Variants in CDH9 observed in about 807,000 individuals in gnomAD.
The protein encoded by CDH9 is cadherin 9.
A neutral mutation model predicts 70.9 loss-of-function variants in CDH9; 28 were observed. The ratio of observed to expected loss-of-function variants is 0.40; its 90% CI spans 0.29 to 0.54. The LOEUF (loss-of-function observed/expected upper bound fraction) is 0.54. Among genes scored for constraint, CDH9 ranks in the 20% least tolerant of loss-of-function variants. The pLI is 0.59. For synonymous variants in CDH9, 409 were observed against 343.1 expected, an observed-to-expected ratio of 1.19 and a Z score of -2.12; for missense variants, 874 against 984.4, an observed-to-expected ratio of 0.89 and a Z score of 1.50.
At chr5:27,034,365 A>C (rs77534649) in intron 1 of CDH9, among the ~76,000 whole-genome samples, 1 of 151,632 alleles carries the variant, frequency 6.6e-6, no homozygotes, top group Non-Finnish European at 1.5e-5. Context: ...TCATCGATCA[A>C]TTAGAGAGAT....
intron 1 of CDH9, among the ~76,000 whole-genome samples, chr5:27,006,844 C>G (rs1417899494): frequency 6.6e-6 from 1 of 151,898 alleles, no homozygotes; most frequent in Non-Finnish European, 1.5e-5. Flanking sequence ...TATGAAGTGT[C>G]TACTGATTTT....
chr5:26,994,951 T>C (rs980488747), intron 1 of CDH9, among the ~76,000 whole-genome samples: 6 of 152,194 alleles, frequency 3.9e-5, no homozygotes, highest in African/African-American at 1.4e-4. Context: ...GGGGGAAGTC[T>C]CTGAACAACC....
At position 27,035,173 on chromosome 5, in the gene CDH9, A is replaced by G. The variant is rs560142708; in HGVS notation, c.-50+3290T>C. ...AGTTTCCACATAATATTGCATATGT[A>G]TATATATATATATATATATTTAACT... On this transcript the variant is annotated intron_variant, in intron 1 of 11. Coordinates refer to ENST00000231021, the MANE Select transcript of CDH9 (RefSeq NM_016279.4). Among the ~76,000 whole-genome samples, 9 of 118,100 alleles carry G rather than the reference A, an allele frequency of 7.6e-5. No individual in the cohort carries two copies. The East Asian group carries it at 1.2e-3, about 16-fold the overall frequency. The allele number at this position is 118,100 out of a possible 152,430, so 77.5% of individuals were successfully genotyped here. A position where few individuals can be genotyped will look rare whatever the true frequency, so the allele number is the denominator to read the frequency against.
At chr5:26,938,251 G>A (rs1488495950) in intron 2 of CDH9, among the ~76,000 whole-genome samples, 2 of 150,932 alleles carry the variant, frequency 1.3e-5, no homozygotes, top group Non-Finnish European at 3.0e-5. Flanking sequence ...AAAATATTTA[G>A]AGAGTGTATA....
chr5:26,881,701 G>C, intron 11 of CDH9, 78 bp from the exon 12 acceptor site: 1 of 1,301,804 alleles, frequency 7.7e-7, no homozygotes, highest in South Asian at 1.4e-5. Context: ...TGTGAAATTC[G>C]TTTGGTGCAG....
intron 9 of CDH9, among the ~76,000 whole-genome samples, chr5:26,888,782 G>C (rs1005224308): frequency 6.6e-6 from 1 of 152,096 alleles, no homozygotes; most frequent in Non-Finnish European, 1.5e-5. Context: ...TCTGGTGAGG[G>C]CTTGCAAATA....
At chr5:26,941,066 C>T (rs1260289415) in intron 2 of CDH9, among the ~76,000 whole-genome samples, 7 of 152,198 alleles carry the variant, frequency 4.6e-5, no homozygotes, top group African/African-American at 1.4e-4. Context: ...CACCAACTCA[C>T]ATAAACATAC....
chr5:27,022,564 C>T (rs1743156389), intron 1 of CDH9, among the ~76,000 whole-genome samples: 1 of 152,054 alleles, frequency 6.6e-6, no homozygotes, highest in Admixed American at 6.6e-5. Context: ...AAATAGATAA[C>T]TGATGGCTGA....
At chr5:26,899,340 A>G (rs1217800813) in intron 7 of CDH9, among the ~76,000 whole-genome samples, 1 of 152,214 alleles carries the variant, frequency 6.6e-6, no homozygotes, top group Non-Finnish European at 1.5e-5. Flanking sequence ...CAAGGATTAT[A>G]AATCATTCTA....
At chr5:26,909,953 A>ATTT (rs1240011486) in intron 3 of CDH9, among the ~76,000 whole-genome samples, 1 of 151,926 alleles carries the variant, frequency 6.6e-6, no homozygotes, top group Non-Finnish European at 1.5e-5. Flanking sequence ...AATTATTATT[A>ATTT]TAATTTAAAG....
intron 1 of CDH9, among the ~76,000 whole-genome samples, chr5:27,032,368 A>G (rs1036142238): frequency 2.0e-5 from 3 of 151,674 alleles, no homozygotes; most frequent in Non-Finnish European, 3.0e-5. Flanking sequence ...ATTTGAATAA[A>G]TAAGTGTACA....
chr5:27,002,810 C>G (rs1017942230), intron 1 of CDH9, among the ~76,000 whole-genome samples: 2 of 151,892 alleles, frequency 1.3e-5, no homozygotes, highest in African/African-American at 4.8e-5. Flanking sequence ...AGGAGATACA[C>G]CTAATGTAAA....
intron 2 of CDH9, among the ~76,000 whole-genome samples, chr5:26,924,391 G>C (rs1475649905): frequency 1.3e-5 from 2 of 151,524 alleles, no homozygotes; most frequent in African/African-American, 4.8e-5. Context: ...GAATGAGACT[G>C]CAGTTGTGCT....
chr5:26,948,354 A>G (rs1445740652), intron 2 of CDH9, among the ~76,000 whole-genome samples: 1 of 152,238 alleles, frequency 6.6e-6, no homozygotes, highest in East Asian at 1.9e-4. Context: ...ACATTTTTCT[A>G]GAATTCAACA....
intron 1 of CDH9, among the ~76,000 whole-genome samples, chr5:26,998,733 T>TAA (rs945486992): frequency 6.9e-6 from 1 of 144,572 alleles, no homozygotes; most frequent in Admixed American, 6.9e-5. Context: ...AGTATAATAA[T>TAA]AAAAAAAAAA....
intron 2 of CDH9, among the ~76,000 whole-genome samples, chr5:26,943,231 G>T (rs1419904477): frequency 6.6e-6 from 1 of 152,134 alleles, no homozygotes; most frequent in Non-Finnish European, 1.5e-5. Context: ...TAACTCAGGG[G>T]TGGGGCGCGG....
chr5:26,888,159 A>G (rs1410151675), intron 9 of CDH9, among the ~76,000 whole-genome samples: 1 of 152,220 alleles, frequency 6.6e-6, no homozygotes, highest in East Asian at 1.9e-4. Context: ...AGAAATTTAC[A>G]TATTGGCAGA....
chr5:27,000,664 G>A (rs1286850796), intron 1 of CDH9, among the ~76,000 whole-genome samples: 3 of 151,984 alleles, frequency 2.0e-5, no homozygotes, highest in Non-Finnish European at 4.4e-5. Context: ...ACGTATTAAT[G>A]TTTATAGAAT....
At chr5:26,938,709 C>A (rs909483324) in intron 2 of CDH9, among the ~76,000 whole-genome samples, 4 of 151,962 alleles carry the variant, frequency 2.6e-5, no homozygotes, top group African/African-American at 7.2e-5. Flanking sequence ...AGCCCAATAA[C>A]CAACAGGGGA....
Sources: gnomAD v4.1 joint callset for allele counts (sites outside exome capture counted in the v4.1 genomes callset) on GRCh38, gnomAD v4.1.1 for gene constraint, MANE v1.5 for transcripts, NCBI Gene and HGNC (gene_info 2026-07-23, HGNC 2026-07-21) for gene names.